The following RNF175 variants were observed in gnomAD, a reference collection of about 807,000 sequenced individuals.
RNF175 encodes the protein ring finger protein 175.
Under a neutral mutation model 50.0 loss-of-function variants are expected in RNF175, and 38 were observed. The ratio of observed to expected loss-of-function variants is 0.76; its 90% confidence interval spans 0.59 to 1.00. The LOEUF is 1.00. Among genes scored for constraint, RNF175 ranks in the 50% least tolerant of loss-of-function variants. The probability of loss-of-function intolerance (pLI) is 0.00; values close to 1 mark genes in which losing one functional copy is unlikely to be tolerated. For synonymous variants in RNF175, 155 were observed against 146.1 expected, an observed-to-expected ratio of 1.06 and a Z score of -0.44; for missense variants, 388 against 409.6, an observed-to-expected ratio of 0.95 and a Z score of 0.46.
chr4:153,716,881 C>T (rs1737966548), intron 6 of RNF175, among the ~76,000 whole-genome samples: 1 of 152,120 alleles, frequency 6.6e-6, no homozygotes, highest in Admixed American at 6.5e-5. Flanking sequence ...TAATCTCCTT[C>T]AGGTAAAGTC....
intron 3 of RNF175, among the ~76,000 whole-genome samples, chr4:153,740,757 GTTT>G (rs1331056589): frequency 6.6e-6 from 1 of 152,126 alleles, no homozygotes; most frequent in Non-Finnish European, 1.5e-5. Flanking sequence ...TTCAGACTGT[GTTT>G]TTTTCCTCCT....
chr4:153,754,207 T>C (rs1579108156), intron 1 of RNF175, among the ~76,000 whole-genome samples: 1 of 150,346 alleles, frequency 6.7e-6, no homozygotes, highest in African/African-American at 2.4e-5. Flanking sequence ...TGGTAACTGA[T>C]TGAGTGAGTA....
chr4:153,731,763 A>C (rs898234392), intron 3 of RNF175, among the ~76,000 whole-genome samples: 1 of 152,180 alleles, frequency 6.6e-6, no homozygotes, highest in African/African-American at 2.4e-5. Context: ...TTTCCTCTGC[A>C]CTGCAAATCC....
At chr4:153,759,141 TAAG>T (rs1300883671) in intron 1 of RNF175, among the ~76,000 whole-genome samples, 2 of 152,164 alleles carry the variant, frequency 1.3e-5, no homozygotes, top group African/African-American at 2.4e-5. Flanking sequence ...GGATGTAGCC[TAAG>T]AAGAATTGTC....
chr4:153,747,026 C>T (rs1040865000), intron 3 of RNF175, among the ~76,000 whole-genome samples: 16 of 152,196 alleles, frequency 1.1e-4, no homozygotes, highest in Non-Finnish European at 7.3e-5. Flanking sequence ...TGGCCCTGCT[C>T]ACTGGTCCTG....
At chr4:153,713,431 T>G (rs1244541244) in intron 7 of RNF175, 3 of 152,254 alleles carry the variant, frequency 2.0e-5, no homozygotes, top group Non-Finnish European at 4.4e-5. Context: ...TGATTATTTT[T>G]GGGAATATAT....
intron 3 of RNF175, among the ~76,000 whole-genome samples, chr4:153,743,037 C>A (rs551311881): frequency 1.9e-4 from 29 of 152,102 alleles, no homozygotes; most frequent in Non-Finnish European, 4.0e-4. Flanking sequence ...GATGATAGGG[C>A]AATTTAGGTC....
At chr4:153,742,182 G>A (rs1739698668) in intron 3 of RNF175, among the ~76,000 whole-genome samples, 1 of 150,124 alleles carries the variant, frequency 6.7e-6, no homozygotes, top group African/African-American at 2.5e-5. Flanking sequence ...GCTGAGGCAG[G>A]AGAATCTCTT....
At chr4:153,742,089 A>C (rs1047884640) in intron 3 of RNF175, among the ~76,000 whole-genome samples, 2 of 152,130 alleles carry the variant, frequency 1.3e-5, no homozygotes, top group Non-Finnish European at 2.9e-5. Flanking sequence ...AGCCTGGCCA[A>C]CATAGTGAAA....
intron 3 of RNF175, among the ~76,000 whole-genome samples, chr4:153,746,378 C>T (rs376748870): frequency 1.3e-5 from 2 of 152,234 alleles, no homozygotes; most frequent in Admixed American, 6.5e-5. Context: ...GCCTTGCCCC[C>T]CCATGGCTTT....
intron 6 of RNF175, among the ~76,000 whole-genome samples, chr4:153,719,283 T>A (rs1024161269): frequency 3.3e-5 from 5 of 152,194 alleles, no homozygotes; most frequent in Non-Finnish European, 5.9e-5. Context: ...AAGGACATTA[T>A]CTCATTCTTT....
chr4:153,742,814 AATT>A (rs576299156), intron 3 of RNF175, among the ~76,000 whole-genome samples: 201 of 150,234 alleles, frequency 1.3e-3, no homozygotes, highest in Middle Eastern at 0.011. Flanking sequence ...TTTTATGTAT[AATT>A]ATTATGAGTA....
chr4:153,755,662 AC>A (rs754770018), intron 1 of RNF175, among the ~76,000 whole-genome samples: 1 of 117,648 alleles, frequency 8.5e-6, no homozygotes, highest in Non-Finnish European at 2.0e-5. Context: ...CACATCCCCC[AC>A]CCCCGCAAAA....
intron 3 of RNF175, among the ~76,000 whole-genome samples, chr4:153,736,688 A>C (rs1378320428): frequency 6.6e-6 from 1 of 152,186 alleles, no homozygotes; most frequent in South Asian, 2.1e-4. Flanking sequence ...GAAATTTTAA[A>C]TTGATATAGG....
At chr4:153,755,716 G>C (rs1004169784) in intron 1 of RNF175, among the ~76,000 whole-genome samples, 3 of 151,212 alleles carry the variant, frequency 2.0e-5, no homozygotes, top group East Asian at 1.9e-4. Context: ...CAGATGGCAG[G>C]AAGTTTAAAA....
At chr4:153,753,542 TTC>T (rs35760802) in intron 1 of RNF175, among the ~76,000 whole-genome samples, 49,319 of 147,604 alleles carry the variant, frequency 0.33, 9,286 homozygotes, top group Non-Finnish European at 0.42. Context: ...TTTTTATCTT[TTC>T]TCTCTCTCTC....
At chr4:153,715,713 T>C (rs1241831650) in intron 6 of RNF175, 51 bp from the exon 7 acceptor site, 1 of 1,578,856 alleles carries the variant, frequency 6.3e-7, no homozygotes, top group African/African-American at 1.4e-5. Context: ...CACATGCCAC[T>C]CTCTGAATGC....
intron 1 of RNF175, among the ~76,000 whole-genome samples, chr4:153,754,093 C>A (rs892227853): frequency 1.2e-4 from 18 of 151,252 alleles, no homozygotes; most frequent in Admixed American, 6.6e-5. Context: ...TGGTGTGAAC[C>A]CGGGAGGTGG....
chr4:153,744,581 C>A (rs11732480), intron 3 of RNF175, among the ~76,000 whole-genome samples: 24,107 of 152,088 alleles, frequency 0.16, 2,523 homozygotes, highest in East Asian at 0.37. Flanking sequence ...TTTTCTACAT[C>A]AATTTAGAGA....
Sources: allele counts gnomAD v4.1 joint callset (sites outside exome capture counted in the v4.1 genomes callset), GRCh38; gene constraint gnomAD v4.1.1; transcripts MANE v1.5; gene names NCBI Gene and HGNC (gene_info 2026-07-23, HGNC 2026-07-21).